Variants in ADAMTS18 observed in about 807,000 individuals in gnomAD.
ADAMTS18 encodes the protein A disintegrin and metalloproteinase with thrombospondin motifs 18.
Under a neutral mutation model 165.9 loss-of-function variants are expected in ADAMTS18, and 157 were observed. The ratio of observed to expected loss-of-function variants is 0.95; its 90% CI spans 0.83 to 1.08. The LOEUF is 1.08. ADAMTS18 is among the 50% of genes least tolerant of loss of function. The pLI, the probability that ADAMTS18 is intolerant of heterozygous loss-of-function variation, is 0.00. For synonymous variants in ADAMTS18, 782 were observed against 578.2 expected, an observed-to-expected ratio of 1.35 and a Z score of -5.06; for missense variants, 2,040 against 1,534.0, an observed-to-expected ratio of 1.33 and a Z score of -5.51.
chr16:77,403,323 A>AATCC (rs2057354475), intron 3 of ADAMTS18, among the ~76,000 whole-genome samples: 1 of 152,128 alleles, frequency 6.6e-6, no homozygotes, highest in African/African-American at 2.4e-5. Flanking sequence ...CACCTCATTT[A>AATCC]ATCCACATAA....
At chr16:77,288,391 A>G (rs141428013) in intron 22 of ADAMTS18, among the ~76,000 whole-genome samples, 2 of 139,786 alleles carry the variant, frequency 1.4e-5, no homozygotes, top group African/African-American at 5.2e-5. Flanking sequence ...AGTAACTGCT[A>G]CAGAGCTATT....
chr16:77,418,679 C>A (rs1597251394), intron 3 of ADAMTS18, among the ~76,000 whole-genome samples: 1 of 152,304 alleles, frequency 6.6e-6, no homozygotes, highest in East Asian at 1.9e-4. Flanking sequence ...AGAAAACTTG[C>A]TTCTTCTCTT....
intron 22 of ADAMTS18, among the ~76,000 whole-genome samples, chr16:77,287,601 A>G (rs1219487622): frequency 6.6e-6 from 1 of 152,036 alleles, no homozygotes; most frequent in Non-Finnish European, 1.5e-5. Context: ...CCTCCCCAGT[A>G]GCTAGGCCTA....
At chr16:77,368,123 A>G (rs1272974349) in intron 3 of ADAMTS18, among the ~76,000 whole-genome samples, 1 of 152,216 alleles carries the variant, frequency 6.6e-6, no homozygotes, top group African/African-American at 2.4e-5. Flanking sequence ...TGCTGGGACT[A>G]CAGGTATGAG....
At chr16:77,313,372 A>C (rs1212742286) in intron 16 of ADAMTS18, among the ~76,000 whole-genome samples, 1 of 152,122 alleles carries the variant, frequency 6.6e-6, no homozygotes, top group Non-Finnish European at 1.5e-5. Flanking sequence ...ACAGCACACC[A>C]ACATGGCACA....
At chr16:77,367,413 C>G (rs772093218) in intron 4 of ADAMTS18, 28 bp downstream of exon 4, 32 of 1,613,554 alleles carry the variant, frequency 2.0e-5, no homozygotes, top group Non-Finnish European at 2.6e-5. Context: ...CACATAAGAA[C>G]AGAAAAAGAA....
chr16:77,390,235 G>C (rs1055207648), intron 3 of ADAMTS18, among the ~76,000 whole-genome samples: 1 of 152,138 alleles, frequency 6.6e-6, no homozygotes. Context: ...TAAAGATAAA[G>C]TAAACAAATT....
chr16:77,342,750 G>A (rs1335442721), intron 10 of ADAMTS18, among the ~76,000 whole-genome samples: 1 of 152,218 alleles, frequency 6.6e-6, no homozygotes, highest in African/African-American at 2.4e-5. Flanking sequence ...AATATGTGAA[G>A]TTGTGTAGCA....
At chr16:77,383,959 CT>C (rs554065161) in intron 3 of ADAMTS18, among the ~76,000 whole-genome samples, 142 of 152,168 alleles carry the variant, frequency 9.3e-4, no homozygotes, top group Non-Finnish European at 1.8e-3. Flanking sequence ...CTCAGTCAGC[CT>C]TTTTTCCCCC....
intron 12 of ADAMTS18, among the ~76,000 whole-genome samples, chr16:77,334,767 ATATATACTATAGTATACAGTAAATATAC>A (rs200744675): frequency 1.9e-3 from 164 of 84,848 alleles, no homozygotes; most frequent in South Asian, 3.0e-3. Context: ...AGTATACAGT[ATATATACTATAGTATACAGTAAATATAC>A]TATATACTAT....
intron 13 of ADAMTS18, among the ~76,000 whole-genome samples, 187 bp downstream of exon 13, chr16:77,325,678 GA>G (rs11410820): frequency 0.011 from 1,633 of 142,214 alleles, 19 homozygotes; most frequent in African/African-American, 0.03. Flanking sequence ...CTTATAGGGG[GA>G]AAAAAAAAAA....
intron 16 of ADAMTS18, among the ~76,000 whole-genome samples, chr16:77,318,755 C>T (rs867005268): frequency 1.3e-5 from 2 of 151,270 alleles, no homozygotes; most frequent in African/African-American, 4.9e-5. Flanking sequence ...GTCTTTTAAT[C>T]TTTTTTTTTC....
chr16:77,420,616 G>T (rs894954612), intron 3 of ADAMTS18, among the ~76,000 whole-genome samples: 1 of 152,158 alleles, frequency 6.6e-6, no homozygotes, highest in African/African-American at 2.4e-5. Flanking sequence ...TTTTTACAAG[G>T]ACGGAATTCA....
intron 21 of ADAMTS18, 180 bp from the exon 22 acceptor site, chr16:77,289,591 G>A (rs1420530413): frequency 1.4e-6 from 1 of 711,682 alleles, no homozygotes; most frequent in African/African-American, 1.8e-5. Flanking sequence ...TGATCCCTTT[G>A]ATCTGATTAG....
At chr16:77,346,942 A>T (rs2144699142) in intron 10 of ADAMTS18, among the ~76,000 whole-genome samples, 1 of 152,362 alleles carries the variant, frequency 6.6e-6, no homozygotes, top group African/African-American at 2.4e-5. Flanking sequence ...CACTCCAAAA[A>T]GTTCCCCTGT....
chr16:77,423,684 A>C (rs527933179), intron 3 of ADAMTS18, among the ~76,000 whole-genome samples: 1 of 152,274 alleles, frequency 6.6e-6, no homozygotes, highest in East Asian at 1.9e-4. Context: ...ATCATACATG[A>C]ATTGATGCAA....
intron 22 of ADAMTS18, among the ~76,000 whole-genome samples, chr16:77,287,664 G>A (rs1368947057): frequency 6.6e-6 from 1 of 152,024 alleles, no homozygotes; most frequent in Admixed American, 6.6e-5. Context: ...TAGAGACGGG[G>A]TTTCACCATA....
At chr16:77,334,182 ATATAGTGTTATATAT>A (rs1567491013) in intron 12 of ADAMTS18, among the ~76,000 whole-genome samples, 40 of 77,784 alleles carry the variant, frequency 5.1e-4, no homozygotes, top group South Asian at 1.3e-3. Flanking sequence ...TATATATAAT[ATATAGTGTTATATAT>A]TACATATAAT....
At chr16:77,314,397 C>T (rs558432224) in intron 16 of ADAMTS18, among the ~76,000 whole-genome samples, 1 of 152,022 alleles carries the variant, frequency 6.6e-6, no homozygotes, top group African/African-American at 2.4e-5. Flanking sequence ...TACTTGAGGT[C>T]AGGAGTTCCA....
Sources: allele counts gnomAD v4.1 joint callset (sites outside exome capture counted in the v4.1 genomes callset), GRCh38; gene constraint gnomAD v4.1.1; transcripts MANE v1.5; gene names NCBI Gene and HGNC (gene_info 2026-07-23, HGNC 2026-07-21).